The following HS3ST4 variants were observed in gnomAD, a reference collection of about 807,000 sequenced individuals.
HS3ST4 encodes heparan sulfate glucosamine 3-O-sulfotransferase 4.
A neutral mutation model predicts 29.2 loss-of-function variants in HS3ST4; 17 were observed. The observed-to-expected ratio is 0.58, with a 90% CI of 0.40 to 0.87. The LOEUF (loss-of-function observed/expected upper bound fraction) is 0.87, where lower values mean the gene tolerates loss of function less well. Among genes scored for constraint, HS3ST4 ranks in the 40% least tolerant of loss-of-function variants. The pLI is 0.00. For missense variants in HS3ST4, 627 were observed against 634.5 expected, an observed-to-expected ratio of 0.99 and a Z score of 0.13; for synonymous variants, 314 against 285.7, an observed-to-expected ratio of 1.10 and a Z score of -1.00.
chr16:26,001,969 C>T (rs1969215319), intron 1 of HS3ST4, among the ~76,000 whole-genome samples: 1 of 152,016 alleles, frequency 6.6e-6, no homozygotes, highest in Non-Finnish European at 1.5e-5. Flanking sequence ...ACTAATTGAA[C>T]ATGAGGGCCA....
chr16:26,109,241 A>G (rs1397950068), intron 1 of HS3ST4, among the ~76,000 whole-genome samples: 1 of 152,140 alleles, frequency 6.6e-6, no homozygotes, highest in Non-Finnish European at 1.5e-5. Flanking sequence ...CAGGTTGTTG[A>G]GGCAGTAAAA....
At chr16:25,759,617 A>G (rs1966776987) in intron 1 of HS3ST4, among the ~76,000 whole-genome samples, 1 of 152,138 alleles carries the variant, frequency 6.6e-6, no homozygotes, top group Non-Finnish European at 1.5e-5. Flanking sequence ...GAGGAGGGAG[A>G]GGCTTCCTTA....
intron 1 of HS3ST4, among the ~76,000 whole-genome samples, chr16:25,807,434 T>C (rs1449939747): frequency 1.3e-5 from 2 of 152,186 alleles, no homozygotes; most frequent in Non-Finnish European, 2.9e-5. Flanking sequence ...GACTCTGACT[T>C]TTTTTTATTC....
chr16:25,782,493 T>A (rs1222676247), intron 1 of HS3ST4, among the ~76,000 whole-genome samples: 2 of 152,194 alleles, frequency 1.3e-5, no homozygotes, highest in African/African-American at 4.8e-5. Context: ...CACCATTGGA[T>A]TTTAGCCGTA....
At chr16:25,863,826 G>A (rs1380615428) in intron 1 of HS3ST4, among the ~76,000 whole-genome samples, 1 of 152,138 alleles carries the variant, frequency 6.6e-6, no homozygotes, top group African/African-American at 2.4e-5. Context: ...CCAGTGTTTG[G>A]GTGGCTGCTT....
intron 1 of HS3ST4, among the ~76,000 whole-genome samples, chr16:25,910,500 A>G (rs1313306177): frequency 6.6e-6 from 1 of 151,982 alleles, no homozygotes; most frequent in African/African-American, 2.4e-5. Flanking sequence ...GAATTTAGCC[A>G]GGTGTGGTGG....
intron 1 of HS3ST4, among the ~76,000 whole-genome samples, chr16:26,047,358 C>A (rs1412392489): frequency 6.6e-6 from 1 of 152,102 alleles, no homozygotes; most frequent in South Asian, 2.1e-4. Flanking sequence ...CAGAAGATTT[C>A]GATCAATATT....
In HS3ST4 at chr16:26,013,895, C is replaced by A. The variant is rs1246789825; in HGVS notation, c.735-121717C>A. 5.9e-5 allele frequency among the ~76,000 whole-genome samples: 9 copies of A among 152,168 alleles called. No individual in the cohort carries two copies. In the East Asian group the frequency reaches 1.7e-3, roughly 29 times the overall value. ...TGTGGTGGCATGCCCGTAGTCCCAG[C>A]TACTCTGGTGGCCGAGGCAGGAGAA... is the stretch of plus-strand genomic sequence containing the variant. On this transcript the variant is annotated intron_variant, in intron 1 of 1. Transcript: ENST00000331351.
chr16:26,007,690 C>G (rs1332467824), intron 1 of HS3ST4, among the ~76,000 whole-genome samples: 1 of 152,186 alleles, frequency 6.6e-6, no homozygotes, highest in East Asian at 1.9e-4. Context: ...GCATTGAAGA[C>G]AGAAGCCTTC....
At chr16:25,837,780 TA>T (rs1967374379) in intron 1 of HS3ST4, among the ~76,000 whole-genome samples, 1 of 152,234 alleles carries the variant, frequency 6.6e-6, no homozygotes, top group Non-Finnish European at 1.5e-5. Context: ...TTTATTTATT[TA>T]TTTTTTTACT....
intron 1 of HS3ST4, among the ~76,000 whole-genome samples, chr16:25,757,496 G>A (rs146358272): frequency 5.0e-4 from 75 of 151,378 alleles, no homozygotes; most frequent in Middle Eastern, 3.4e-3. Context: ...CCAGCAATGG[G>A]TGCTCACTTT....
chr16:25,783,994 CACTT>C (rs1174192461), intron 1 of HS3ST4, among the ~76,000 whole-genome samples: 8 of 152,168 alleles, frequency 5.3e-5, no homozygotes, highest in Admixed American at 5.2e-4. Context: ...AGTGTGTGCT[CACTT>C]CACATCTGTG....
At chr16:25,937,732 C>T (rs1968530895) in intron 1 of HS3ST4, among the ~76,000 whole-genome samples, 1 of 152,178 alleles carries the variant, frequency 6.6e-6, no homozygotes, top group Non-Finnish European at 1.5e-5. Context: ...GGGCATAGCT[C>T]TGATGTGCTG....
chr16:25,692,870 G>A lies in HS3ST4; in HGVS notation c.453G>A (p.Thr151=), dbSNP rs777177248. The A allele has an allele frequency of 6.6e-7, 1 of 1,523,614 alleles. No homozygotes were observed. The allele number at this position is 1,523,614 out of a possible 1,614,324, so 94.4% of individuals were successfully genotyped here. The change falls in exon 1 of 2, where the codon ACG becomes ACA. Residue 151 remains threonine, a synonymous_variant. Coordinates refer to ENST00000331351, the MANE Select transcript of HS3ST4 (RefSeq NM_006040.3). ...RTPLAPSEMI[T]AQSALPEREA... ...CGCTGGCCCCCAGCGAGATGATCAC[G>A]GCTCAGAGCGCGCTGCCGGAGAGGG...
At chr16:25,909,582 G>A (rs571512317) in intron 1 of HS3ST4, among the ~76,000 whole-genome samples, 1 of 151,600 alleles carries the variant, frequency 6.6e-6, no homozygotes, top group African/African-American at 2.4e-5. Flanking sequence ...GAGGAGCTAG[G>A]GAACATAGCC....
At chr16:25,697,788 T>G (rs925030549) in intron 1 of HS3ST4, among the ~76,000 whole-genome samples, 2 of 152,124 alleles carry the variant, frequency 1.3e-5, no homozygotes, top group African/African-American at 4.8e-5. Context: ...TTATCCTGTC[T>G]CAGCCTCCTG....
intron 1 of HS3ST4, among the ~76,000 whole-genome samples, chr16:25,788,328 T>C (rs1472118570): frequency 6.6e-6 from 1 of 151,188 alleles, no homozygotes; most frequent in Non-Finnish European, 1.5e-5. Context: ...GGCGGGAGAA[T>C]CACTTGAACC....
At chr16:25,821,080 GAC>G (rs1269757117) in intron 1 of HS3ST4, among the ~76,000 whole-genome samples, 1 of 136,172 alleles carries the variant, frequency 7.3e-6, no homozygotes, top group African/African-American at 2.8e-5. Flanking sequence ...TTTTTTTTGA[GAC>G]AGTCTTGCTC....
At chr16:25,912,650 A>G (rs948488082) in intron 1 of HS3ST4, among the ~76,000 whole-genome samples, 2 of 152,086 alleles carry the variant, frequency 1.3e-5, no homozygotes, top group African/African-American at 4.8e-5. Context: ...GCTTCCTTAC[A>G]TAGTAAGCTC....
Sources: gnomAD v4.1 joint callset for allele counts (sites outside exome capture counted in the v4.1 genomes callset) on GRCh38, gnomAD v4.1.1 for gene constraint, MANE v1.5 for transcripts, NCBI Gene and HGNC (gene_info 2026-07-23, HGNC 2026-07-21) for gene names.